DGKB: variants seen among roughly 807,000 people sequenced by gnomAD.
The protein encoded by DGKB is diacylglycerol kinase beta, also known as 90 kDa diacylglycerol kinase.
Under a neutral mutation model 114.3 loss-of-function variants are expected in DGKB, and 67 were observed. The ratio of observed to expected loss-of-function variants is 0.59; its 90% confidence interval spans 0.48 to 0.72. The LOEUF (loss-of-function observed/expected upper bound fraction) is 0.72. Among genes scored for constraint, DGKB ranks in the 30% least tolerant of loss-of-function variants. The pLI, the probability that DGKB is intolerant of heterozygous loss-of-function variation, is 0.00. For missense variants in DGKB, 907 were observed against 975.2 expected, an observed-to-expected ratio of 0.93 and a Z score of 0.93; for synonymous variants, 398 against 323.1, an observed-to-expected ratio of 1.23 and a Z score of -2.49.
intron 23 of DGKB, among the ~76,000 whole-genome samples, chr7:14,253,340 T>C (rs1243893576): frequency 1.3e-5 from 2 of 152,116 alleles, no homozygotes; most frequent in Non-Finnish European, 2.9e-5. Context: ...CCACTTAAAT[T>C]GATTTGTATG....
chr7:14,159,156 G>C (rs976646367), intron 25 of DGKB, among the ~76,000 whole-genome samples: 1 of 152,020 alleles, frequency 6.6e-6, no homozygotes, highest in Non-Finnish European at 1.5e-5. Flanking sequence ...AGGTCCTGCT[G>C]TTCTGCTCCC....
intron 21 of DGKB, among the ~76,000 whole-genome samples, chr7:14,372,876 T>C (rs1817890611): frequency 6.6e-6 from 1 of 152,162 alleles, no homozygotes; most frequent in South Asian, 2.1e-4. Flanking sequence ...AATTATCCAG[T>C]TTATTATTAC....
chr7:14,785,207 A>G (rs73682564), intron 2 of DGKB, among the ~76,000 whole-genome samples: 2,506 of 152,316 alleles, frequency 0.016, 67 homozygotes, highest in African/African-American at 0.056. Flanking sequence ...AATGTTATAT[A>G]AAATATGGCA....
In DGKB at chr7:14,149,070, G is replaced by T; in HGVS notation, c.*61C>A. 1 of 1,386,284 alleles carries T rather than the reference G, an allele frequency of 7.2e-7. No individual in the cohort carries two copies. The highest frequency in any genetic ancestry group is 1.0e-6 in the Non-Finnish European group (1 of 973,616). The allele number at this position is 1,386,284 out of a possible 1,614,324, so 85.9% of individuals were successfully genotyped here. A position where few individuals can be genotyped will look rare whatever the true frequency, so the allele number is the denominator to read the frequency against. On this transcript the variant is annotated 3_prime_UTR_variant, in exon 26 of 26. Transcript: ENST00000402815. Reference sequence around the variant, plus strand: ...ACTTGAAATGGTTCAAAGATTTCCAGCATATGTGTTCCATGGCCCAATTAT... The same window carrying T: ...ACTTGAAATGGTTCAAAGATTTCCATCATATGTGTTCCATGGCCCAATTAT...
intron 20 of DGKB, among the ~76,000 whole-genome samples, chr7:14,564,218 C>A (rs1797071086): frequency 6.6e-6 from 1 of 152,114 alleles, no homozygotes. Flanking sequence ...TTGCTGAAGC[C>A]ATTAGTGTTC....
chr7:14,885,112 A>G (rs1009079311), intron 1 of DGKB, among the ~76,000 whole-genome samples: 1 of 151,944 alleles, frequency 6.6e-6, no homozygotes, highest in African/African-American at 2.4e-5. Context: ...TTTAAGAAAC[A>G]TCTGAGCGAG....
At chr7:14,488,862 CCAA>C (rs10544281) in intron 20 of DGKB, among the ~76,000 whole-genome samples, 81,093 of 147,650 alleles carry the variant, frequency 0.55, 22,780 homozygotes, top group East Asian at 0.76. Context: ...CAAAAAAAAC[CCAA>C]CAACAACAAC....
At chr7:14,577,616 CA>C (rs566335685) in intron 19 of DGKB, among the ~76,000 whole-genome samples, 54 of 143,662 alleles carry the variant, frequency 3.8e-4, no homozygotes, top group African/African-American at 7.0e-4. Context: ...GACTCCGTCT[CA>C]AAAAAAAAAA....
chr7:14,231,330 G>T (rs1051187822), intron 23 of DGKB, among the ~76,000 whole-genome samples: 2 of 151,772 alleles, frequency 1.3e-5, no homozygotes, highest in African/African-American at 4.8e-5. Context: ...TAGAGACAAG[G>T]TCTTACTATG....
At chr7:14,949,386 T>C (rs1786050934) in intron 1 of DGKB, among the ~76,000 whole-genome samples, 1 of 151,954 alleles carries the variant, frequency 6.6e-6, no homozygotes, top group South Asian at 2.1e-4. Context: ...ATAAGTTTTA[T>C]CTTAGAGATG....
chr7:14,748,427 T>C (rs1286687292), intron 4 of DGKB, among the ~76,000 whole-genome samples: 8 of 152,168 alleles, frequency 5.3e-5, no homozygotes, highest in Admixed American at 5.2e-4. Context: ...GAGGCACATA[T>C]TTGCACATAT....
At chr7:14,544,416 G>T (rs1219084473) in intron 20 of DGKB, among the ~76,000 whole-genome samples, 3 of 152,102 alleles carry the variant, frequency 2.0e-5, no homozygotes, top group African/African-American at 7.2e-5. Flanking sequence ...AGAACAAAGT[G>T]AATAAATGTA....
intron 1 of DGKB, among the ~76,000 whole-genome samples, chr7:14,900,774 C>T (rs796943340): frequency 1.3e-4 from 20 of 152,208 alleles, no homozygotes; most frequent in African/African-American, 4.8e-4. Flanking sequence ...AAAGGCATTG[C>T]CACCGCTCAA....
At chr7:14,971,494 T>C (rs1787464620) in intron 1 of DGKB, among the ~76,000 whole-genome samples, 1 of 152,142 alleles carries the variant, frequency 6.6e-6, no homozygotes, top group Admixed American at 6.6e-5. Flanking sequence ...AATTATGTGG[T>C]TCAAGATTTG....
chr7:14,661,199 C>G (rs1023639810), intron 13 of DGKB, among the ~76,000 whole-genome samples: 1 of 150,966 alleles, frequency 6.6e-6, no homozygotes, highest in African/African-American at 2.4e-5. Context: ...CCAAAATTGA[C>G]AAATGGGATC....
At chr7:14,784,213 CT>C (rs1365072320) in intron 2 of DGKB, among the ~76,000 whole-genome samples, 2 of 151,714 alleles carry the variant, frequency 1.3e-5, no homozygotes, top group Non-Finnish European at 1.5e-5. Context: ...TGTTCTTTTA[CT>C]TTACTGCTCT....
At chr7:14,312,400 G>A (rs1002647265) in intron 23 of DGKB, among the ~76,000 whole-genome samples, 1 of 152,150 alleles carries the variant, frequency 6.6e-6, no homozygotes, top group Non-Finnish European at 1.5e-5. Flanking sequence ...GTATAAAATT[G>A]CTGGATCTTT....
intron 23 of DGKB, among the ~76,000 whole-genome samples, chr7:14,219,946 A>G (rs1331255436): frequency 1.3e-5 from 2 of 151,632 alleles, no homozygotes; most frequent in South Asian, 2.1e-4. Context: ...TAATTTTTCT[A>G]TACAGTCATG....
In DGKB at chr7:14,466,645, C is replaced by CAA. The variant is rs57888491; in HGVS notation, c.1835+11514_1835+11515dup. The stretch of plus-strand genomic sequence containing the variant: ...ATAAATCTTTGTTGAATGAATAAAC[C>CAA]AAAAAAAAAAAAAAACACAAAAATT... On this transcript the variant is annotated intron_variant, in intron 21 of 25. Transcript: ENST00000402815. Among the ~76,000 whole-genome samples, 121 of 138,568 alleles carry CAA rather than the reference C, an allele frequency of 8.7e-4. 1 individual carries two copies. In the East Asian group the frequency reaches 0.016, roughly 18 times the overall value. The allele number at this position is 138,568 out of a possible 152,430, so 90.9% of individuals were successfully genotyped here.
Sources: gnomAD v4.1 joint callset for allele counts (sites outside exome capture counted in the v4.1 genomes callset) on GRCh38, gnomAD v4.1.1 for gene constraint, MANE v1.5 for transcripts, NCBI Gene and HGNC (gene_info 2026-07-23, HGNC 2026-07-21) for gene names.